CADM3: variants seen among roughly 807,000 people sequenced by gnomAD.
CADM3 encodes the protein cell adhesion molecule 3, also known as TSLC1-like 1.
Under a neutral mutation model 44.9 loss-of-function variants are expected in CADM3, and 11 were observed. That is an observed-to-expected ratio of 0.25 (90% CI 0.15 to 0.41). CADM3 has a LOEUF of 0.41. CADM3 is among the 10% of genes least tolerant of loss of function. CADM3 has a pLI of 1.00. For synonymous variants in CADM3, 207 were observed against 205.2 expected (o/e 1.01, Z -0.08); for missense variants, 426 against 512.0 (o/e 0.83, Z 1.62).
rs1476516398 is a variant in CADM3, at chr1:159,203,306, A to G, written c.*2384A>G. On this transcript the variant is annotated 3_prime_UTR_variant, in exon 9 of 9. Transcript: ENST00000368125. ...CTATGTACAGCAACAATATAACTCT[A>G]CAAGGGAGAGAAGTGTGTTCACTTC... 6.6e-6 allele frequency: 1 copy of G among 152,060 alleles called. No homozygotes were observed. The highest frequency in any genetic ancestry group is 2.4e-5 in the African/African-American group (1 of 41,382). 9.4% of individuals were successfully genotyped at this position (152,060 alleles called of 1,614,324 possible). A position where few individuals can be genotyped will look rare whatever the true frequency, so the allele number is the denominator to read the frequency against.
intron 1 of CADM3, among the ~76,000 whole-genome samples, chr1:159,179,270 C>G (rs573128708): frequency 1.6e-4 from 25 of 152,288 alleles, no homozygotes; most frequent in African/African-American, 5.5e-4. Flanking sequence ...TCTTGGAAGT[C>G]TCCAAGAGAA....
chr1:159,182,073 C>A (rs1283591055), intron 1 of CADM3, among the ~76,000 whole-genome samples: 2 of 145,736 alleles, frequency 1.4e-5, no homozygotes, highest in African/African-American at 2.6e-5. Context: ...CACACACACA[C>A]ACACACACAC....
chr1:159,191,770 G>A lies in CADM3; in HGVS notation c.89-166G>A, dbSNP rs369793617. On this transcript the variant is annotated intron_variant, in intron 1 of 8. Coordinates refer to ENST00000368125, the MANE Select transcript of CADM3 (RefSeq NM_001127173.3). The stretch of plus-strand genomic sequence containing the variant: ...ACTAAGATCTGTCTTTCCCTCCACC[G>A]CCACCACCACCTCTTTTCCTTCCCC... Among the ~76,000 whole-genome samples, 11 of 152,182 alleles carry A rather than the reference G, an allele frequency of 7.2e-5. No homozygotes were observed. In the East Asian group the frequency reaches 1.3e-3, roughly 19 times the overall value.
chr1:159,192,832 C>T, intron 3 of CADM3, 102 bp downstream of exon 3: 1 of 1,250,300 alleles, frequency 8.0e-7, no homozygotes, highest in Non-Finnish European at 1.1e-6. Context: ...AGTCTCCAAG[C>T]ACTTTAGGAA....
Position 159,192,575 on chromosome 1 carries a change from C to T in CADM3, c.230-3C>T, listed in dbSNP as rs1263782665. 3 of 1,614,164 alleles carry T rather than the reference C, an allele frequency of 1.9e-6. No homozygotes were observed. The highest frequency in any genetic ancestry group is 2.5e-6 in the Non-Finnish European group (3 of 1,180,030). On this transcript the variant is annotated splice_region_variant and splice_polypyrimidine_tract_variant and intron_variant, in intron 2 of 8. Transcript: ENST00000368125. ...TAGCTTTCCATTCTCTTGATTTCCC[C>T]AGCCCTTCGAGATAATCGAATTCAG...
intron 1 of CADM3, among the ~76,000 whole-genome samples, chr1:159,177,972 T>C (rs564890244): frequency 2.6e-5 from 4 of 152,296 alleles, no homozygotes; most frequent in African/African-American, 9.6e-5. Flanking sequence ...CTCCCACAGA[T>C]ACTAAAATCT....
chr1:159,190,204 G>C (rs1431510170), intron 1 of CADM3, among the ~76,000 whole-genome samples: 1 of 152,176 alleles, frequency 6.6e-6, no homozygotes, highest in Non-Finnish European at 1.5e-5. Context: ...CAGGGACAAA[G>C]GGATGACTGG....
Position 159,200,809 on chromosome 1 carries a change from T to G in CADM3, c.1084T>G (p.Tyr362Asp), listed in dbSNP as rs1369529430. The G allele has an allele frequency of 6.2e-7, 1 of 1,603,444 alleles. No homozygotes were observed. Among genetic ancestry groups the G allele is most frequent in the Non-Finnish European group, 8.5e-7 (1 of 1,174,848 alleles). The part of the protein sequence containing the change: ...GHYLIRHKGT[Y>D]LTHEAKGSDD... ...AAGCCTCTGTCTCTACACAGGAACCTACCTGACACATGAGGCAAAAGGCTC... is the reference window on the plus strand; with the variant it reads ...AAGCCTCTGTCTCTACACAGGAACCGACCTGACACATGAGGCAAAAGGCTC... Residue 362 changes from tyrosine to aspartate, a missense_variant, in exon 9 of 9, where the codon TAC (tyrosine) becomes GAC (aspartate). Tyr to Asp is a radical substitution (Grantham distance 160). This residue lies in a region of CADM3 where 362 missense variants were observed against 474.6 expected (regional missense o/e 0.76). Coordinates refer to ENST00000368125, the MANE Select transcript of CADM3 (RefSeq NM_001127173.3).
At position 159,171,815 on chromosome 1, in the gene CADM3, G is replaced by A. The variant is rs757529773; in HGVS notation, c.50G>A (p.Cys17Tyr). 29 of 1,247,058 alleles carry A rather than the reference G, an allele frequency of 2.3e-5. No homozygotes were observed. The highest frequency in any genetic ancestry group is 2.2e-4 in the Middle Eastern group (1 of 4,578). 77.2% of individuals were successfully genotyped at this position (1,247,058 alleles called of 1,614,324 possible). A position where few individuals can be genotyped will look rare whatever the true frequency, so the allele number is the denominator to read the frequency against. Residue 17 changes from cysteine (C) to tyrosine (Y), a missense_variant, in exon 1 of 9, where the codon TGC (cysteine) becomes TAC (tyrosine). Transcript: ENST00000368125. ...CTGCTCCTGCTCCTGCTGTTCGCCT[G>A]CTGCTGGGCGCCCGGCGGGGCCAAC... The part of the protein sequence containing the change: ...SLLLLLLLFA[C>Y]CWAPGGANLS...
chr1:159,173,569 G>A (rs1014545594), intron 1 of CADM3, among the ~76,000 whole-genome samples: 3 of 152,174 alleles, frequency 2.0e-5, no homozygotes, highest in African/African-American at 7.2e-5. Context: ...CACTCACTGA[G>A]GAGCTGAAGG....
chr1:159,181,961 TTCTTC>T (rs1354079019), intron 1 of CADM3, among the ~76,000 whole-genome samples: 1 of 152,126 alleles, frequency 6.6e-6, no homozygotes, highest in Non-Finnish European at 1.5e-5. Context: ...TCTGCTTTTT[TTCTTC>T]TCTTCTCTTC....
chr1:159,171,910 T>C, intron 1 of CADM3, 57 bp downstream of exon 1: 1 of 1,142,470 alleles, frequency 8.8e-7, no homozygotes. Context: ...AGGCGGGGGC[T>C]GGGATCGGGA....
In CADM3 at chr1:159,192,661, G is replaced by T; in HGVS notation, c.313G>T (p.Glu105Ter). ...ISISNVALADEGEYTCSIFTM... is the reference protein window; with the variant it reads ...ISISNVALAD ...CATCAGCAATGTGGCCCTGGCAGAC[G>T]AGGGCGAGTACACCTGCTCAATCTT... The change falls in exon 3 of 9, where the codon GAG becomes TAG. Residue 105 changes from glutamate (E) to a stop codon, truncating the protein, a stop_gained. Coordinates refer to ENST00000368125, the MANE Select transcript of CADM3 (RefSeq NM_001127173.3). LOFTEE classifies it high-confidence loss of function. The T allele has an allele frequency of 6.2e-7, 1 of 1,614,114 alleles. No homozygotes were observed. The highest frequency in any genetic ancestry group is 8.5e-7 in the Non-Finnish European group (1 of 1,180,006).
intron 8 of CADM3, 96 bp from the exon 9 acceptor site, chr1:159,200,708 T>C: frequency 1.2e-6 from 1 of 812,638 alleles, no homozygotes; most frequent in Admixed American, 2.7e-5. Flanking sequence ...AAAAATTACT[T>C]GAGCAGTGTG....
chr1:159,175,436 C>T (rs906413694), intron 1 of CADM3, among the ~76,000 whole-genome samples: 1 of 152,208 alleles, frequency 6.6e-6, no homozygotes, highest in African/African-American at 2.4e-5. Context: ...CTGGATAGCA[C>T]TGTTAGTTTT....
Position 159,201,806 on chromosome 1 carries a change from T to A in CADM3, c.*884T>A, listed in dbSNP as rs949681102. 6.5e-6 allele frequency: 1 copy of A among 152,724 alleles called. No homozygotes were observed. The highest frequency in any genetic ancestry group is 2.4e-5 in the African/African-American group (1 of 41,434). The allele number at this position is 152,724 out of a possible 1,614,324, so 9.5% of individuals were successfully genotyped here. ...GCTCTGGGGCCTGAACTGCCTCTGC[T>A]TCCCCCCCTGAGGGGCCCCTCACTC... On this transcript the variant is annotated 3_prime_UTR_variant, in exon 9 of 9. Transcript: ENST00000368125.
At chr1:159,199,425 G>GA (rs1650056127) in intron 7 of CADM3, among the ~76,000 whole-genome samples, 1 of 149,734 alleles carries the variant, frequency 6.7e-6, no homozygotes, top group Admixed American at 6.7e-5. Context: ...AGGAAGGAAG[G>GA]AAGAAATGGA....
intron 8 of CADM3, among the ~76,000 whole-genome samples, chr1:159,200,409 A>G (rs1365395821): frequency 1.3e-5 from 2 of 152,136 alleles, no homozygotes; most frequent in Non-Finnish European, 2.9e-5. Flanking sequence ...TAGGCTGGTC[A>G]TACATAAGCC....
chr1:159,172,359 C>G (rs534183378), intron 1 of CADM3, among the ~76,000 whole-genome samples: 11 of 152,190 alleles, frequency 7.2e-5, no homozygotes, highest in African/African-American at 2.6e-4. Context: ...CATTTCTGCT[C>G]CCCCGCCCGT....
Sources: allele counts gnomAD v4.1 joint callset (sites outside exome capture counted in the v4.1 genomes callset), GRCh38; gene constraint gnomAD v4.1.1; regional missense constraint gnomAD v4.1.1; transcripts MANE v1.5; gene names NCBI Gene and HGNC (gene_info 2026-07-23, HGNC 2026-07-21).